The following CDKL3 variants were observed in gnomAD, a reference collection of about 807,000 sequenced individuals.
CDKL3 encodes cyclin dependent kinase like 3.
A neutral mutation model predicts 69.3 loss-of-function variants in CDKL3; 65 were observed. The ratio of observed to expected loss-of-function variants is 0.94; its 90% CI spans 0.77 to 1.15. The LOEUF (loss-of-function observed/expected upper bound fraction) is 1.15. Ranked by LOEUF, CDKL3 falls within the 50% of genes most tolerant of loss-of-function variation. The pLI, the probability that CDKL3 is intolerant of heterozygous loss-of-function variation, is 0.00. For synonymous variants in CDKL3, 202 were observed against 221.6 expected (o/e 0.91, Z 0.79); for missense variants, 652 against 689.2 (o/e 0.95, Z 0.61).
chr5:134,284,669 C>T (rs1764777834), downstream of CDKL3, among the ~76,000 whole-genome samples: 1 of 152,216 alleles, frequency 6.6e-6, no homozygotes, highest in African/African-American at 2.4e-5. Context: ...AAGACAGATA[C>T]TCCCAGAGCA....
chr5:134,367,175 C>T (rs1757643454), upstream of CDKL3: 1 of 985,592 alleles, frequency 1.0e-6, no homozygotes, highest in African/African-American at 1.7e-5. Flanking sequence ...GCGTTCTAGA[C>T]TCGTGCGCAA....
chr5:134,326,927 C>T (rs1439867360), intron 4 of CDKL3, among the ~76,000 whole-genome samples: 1 of 146,490 alleles, frequency 6.8e-6, no homozygotes, highest in African/African-American at 2.5e-5. Flanking sequence ...ATTTATTTAT[C>T]CTCTAAAAAC....
At chr5:134,297,960 CCTCACT>C (rs1765460543), downstream of CDKL3, among the ~76,000 whole-genome samples, 1 of 115,222 alleles carries the variant, frequency 8.7e-6, no homozygotes, top group Non-Finnish European at 1.8e-5. Context: ...TGAGACAGAG[CCTCACT>C]CTTATCTCCC....
At position 134,334,594 on chromosome 5, in the gene CDKL3, T is replaced by C. The variant is rs112128544; in HGVS notation, c.540-12691A>G. Reference sequence around the variant, plus strand: ...TACCCAGTAGTCATTCAGGAACAGATTGTTCAGTTTCCATATAGTTGTGCG... The same window carrying C: ...TACCCAGTAGTCATTCAGGAACAGACTGTTCAGTTTCCATATAGTTGTGCG... On this transcript the variant is annotated intron_variant, in intron 4 of 12. Coordinates refer to ENST00000265334, the MANE Select transcript of CDKL3 (RefSeq NM_001113575.2). Among the ~76,000 whole-genome samples the C allele has an allele frequency of 9.2e-3, 1,408 of 152,306 alleles. 11 individuals carry two copies. Among genetic ancestry groups the C allele is most frequent in the African/African-American group, 0.03 (1,251 of 41,554 alleles).
chr5:134,350,947 A>G (rs1369660860), intron 3 of CDKL3, among the ~76,000 whole-genome samples: 1 of 152,036 alleles, frequency 6.6e-6, no homozygotes, highest in Admixed American at 6.6e-5. Context: ...CATGTCCTTC[A>G]CAGCTAAACC....
upstream of CDKL3, chr5:134,371,510 A>C: frequency 2.0e-6 from 3 of 1,499,392 alleles, no homozygotes; most frequent in East Asian, 2.6e-5. Flanking sequence ...GCGGCGATCC[A>C]CAGTGATTCG....
chr5:134,316,780 T>C (rs566185461), intron 6 of CDKL3, among the ~76,000 whole-genome samples: 6 of 152,300 alleles, frequency 3.9e-5, no homozygotes, highest in East Asian at 3.8e-4. Flanking sequence ...ATAGTATCTT[T>C]AAATGTACTG....
intron 1 of CDKL3, 41 bp from the exon 2 acceptor site, chr5:134,366,585 T>C: frequency 2.4e-6 from 3 of 1,234,436 alleles, no homozygotes; most frequent in Middle Eastern, 3.7e-4. Context: ...ATGTTAAACG[T>C]TTATACTTTT....
chr5:134,318,050 T>C lies in CDKL3; in HGVS notation c.792+1308A>G, dbSNP rs537909337. Among the ~76,000 whole-genome samples, 286 of 152,072 alleles carry C rather than the reference T, an allele frequency of 1.9e-3. 1 individual carries two copies. The highest frequency in any genetic ancestry group is 3.5e-3 in the Non-Finnish European group (237 of 67,970). ...GCCTGACCGACATGGAGAAACCTCG[T>C]CTCTACTAAAAATTCAAAATTAGCC... is the stretch of plus-strand genomic sequence containing the variant. On this transcript the variant is annotated intron_variant, in intron 6 of 12. Coordinates refer to ENST00000265334, the MANE Select transcript of CDKL3 (RefSeq NM_001113575.2).
intron 3 of CDKL3, among the ~76,000 whole-genome samples, chr5:134,358,686 C>G (rs1345173316): frequency 6.6e-6 from 1 of 152,086 alleles, no homozygotes; most frequent in Non-Finnish European, 1.5e-5. Context: ...CTTACTGCAG[C>G]CTTGACCTCC....
chr5:134,352,324 A>G (rs1473482546), intron 3 of CDKL3, among the ~76,000 whole-genome samples: 1 of 147,218 alleles, frequency 6.8e-6, no homozygotes, highest in Non-Finnish European at 1.5e-5. Flanking sequence ...TTTTTGAGAC[A>G]GAGTTTTGCT....
At chr5:134,305,012 T>G (rs2149431734) in intron 10 of CDKL3, among the ~76,000 whole-genome samples, 1 of 151,722 alleles carries the variant, frequency 6.6e-6, no homozygotes, top group Admixed American at 6.6e-5. Flanking sequence ...CTTGTTAGGT[T>G]GACTAGGCTG....
At chr5:134,340,600 G>A (rs1326878099) in intron 4 of CDKL3, among the ~76,000 whole-genome samples, 2 of 152,112 alleles carry the variant, frequency 1.3e-5, no homozygotes, top group African/African-American at 4.8e-5. Flanking sequence ...CAACAGATTA[G>A]ATAACTTAGA....
intron 5 of CDKL3, among the ~76,000 whole-genome samples, chr5:134,320,300 G>A (rs978008830): frequency 5.9e-5 from 9 of 152,194 alleles, no homozygotes; most frequent in Admixed American, 5.2e-4. Flanking sequence ...AGCTTCTCAA[G>A]CTCCTCATCC....
downstream of CDKL3, among the ~76,000 whole-genome samples, chr5:134,285,950 C>T (rs371426351): frequency 8.5e-5 from 13 of 152,194 alleles, no homozygotes; most frequent in East Asian, 1.2e-3. Flanking sequence ...GGTGAAACCC[C>T]GTCTCCACTA....
intron 7 of CDKL3, among the ~76,000 whole-genome samples, chr5:134,310,618 G>A (rs1769187453): frequency 6.6e-6 from 1 of 152,110 alleles, no homozygotes; most frequent in Non-Finnish European, 1.5e-5. Flanking sequence ...CTCCTGAGTA[G>A]TTGGGACTAC....
At chr5:134,313,271 C>T (rs952895940) in intron 6 of CDKL3, among the ~76,000 whole-genome samples, 1 of 152,124 alleles carries the variant, frequency 6.6e-6, no homozygotes, top group African/African-American at 2.4e-5. Flanking sequence ...GGCTGGAGTG[C>T]AGTGGTGCAA....
In CDKL3 at chr5:134,308,605, T is replaced by C; in HGVS notation, c.1004A>G (p.Asn335Ser). The C allele has an allele frequency of 6.2e-7, 1 of 1,602,614 alleles. No individual in the cohort carries two copies. The highest frequency in any genetic ancestry group is 8.5e-7 in the Non-Finnish European group (1 of 1,177,110). Residue 335 changes from asparagine to serine, a missense_variant, in exon 8 of 13, where the codon AAT becomes AGT. By Grantham distance (46) the Asn-to-Ser change is conservative (BLOSUM62 1). Transcript: ENST00000265334. ...CAAAACTGAACTACTTAGCAGTGTATTGGTATAAACTGTTTTTCTTTCATC... is the reference window on the plus strand; with the variant it reads ...CAAAACTGAACTACTTAGCAGTGTACTGGTATAAACTGTTTTTCTTTCATC... ...RKDERKTVYT[N>S]TLLSSSVLGK...
upstream of CDKL3, chr5:134,367,267 A>G (rs953207541): frequency 1.0e-6 from 1 of 985,120 alleles, no homozygotes; most frequent in Admixed American, 6.2e-5. Context: ...GCAAGGTGGA[A>G]GAGTGCTGTG....
Sources: allele counts gnomAD v4.1 joint callset (sites outside exome capture counted in the v4.1 genomes callset), GRCh38; gene constraint gnomAD v4.1.1; transcripts MANE v1.5; gene names NCBI Gene and HGNC (gene_info 2026-07-23, HGNC 2026-07-21).